Variants in CADM2 observed in about 807,000 individuals in gnomAD.
The protein encoded by CADM2 is cell adhesion molecule 2.
CADM2 carries 12 observed loss-of-function variants against 49.8 expected under a neutral mutation model. That is an observed-to-expected ratio of 0.24 (90% CI 0.15 to 0.39). The LOEUF is 0.39. Among genes scored for constraint, CADM2 ranks in the 10% least tolerant of loss-of-function variants. CADM2 has a pLI of 1.00. For synonymous variants in CADM2, 214 were observed against 175.4 expected (o/e 1.22, Z -1.74); for missense variants, 378 against 492.3 (o/e 0.77, Z 2.20).
intron 1 of CADM2, among the ~76,000 whole-genome samples, chr3:85,229,792 A>G (rs1483925807): frequency 6.6e-6 from 1 of 152,074 alleles, no homozygotes; most frequent in African/African-American, 2.4e-5. Context: ...AGTGTGAACA[A>G]CCTTTCTTCC....
intron 1 of CADM2, among the ~76,000 whole-genome samples, chr3:85,516,847 A>G (rs1375183380): frequency 6.6e-6 from 1 of 152,114 alleles, no homozygotes; most frequent in Non-Finnish European, 1.5e-5. Flanking sequence ...TGGCAACTGA[A>G]TAAATGCAAA....
intron 2 of CADM2, among the ~76,000 whole-genome samples, chr3:85,767,844 G>A (rs1185186241): frequency 6.6e-6 from 1 of 152,090 alleles, no homozygotes; most frequent in East Asian, 1.9e-4. Flanking sequence ...AAAAGATGCT[G>A]GTAGAGCTAC....
At chr3:85,272,682 C>T (rs917670950) in intron 1 of CADM2, among the ~76,000 whole-genome samples, 5 of 151,238 alleles carry the variant, frequency 3.3e-5, no homozygotes, top group African/African-American at 4.8e-5. Context: ...TTACTTTCTA[C>T]GTTTATGTTT....
intron 1 of CADM2, among the ~76,000 whole-genome samples, chr3:85,613,970 T>C (rs1264558268): frequency 6.6e-6 from 1 of 151,712 alleles, no homozygotes; most frequent in Non-Finnish European, 1.5e-5. Flanking sequence ...TGTTCATTTA[T>C]TTAATGTATT....
intron 1 of CADM2, among the ~76,000 whole-genome samples, chr3:85,488,216 G>C (rs1056799076): frequency 1.3e-5 from 2 of 152,148 alleles, no homozygotes; most frequent in African/African-American, 4.8e-5. Flanking sequence ...AAATTCATTT[G>C]ACTGTCAGGT....
At chr3:85,333,595 T>C (rs911896586) in intron 1 of CADM2, among the ~76,000 whole-genome samples, 1 of 151,784 alleles carries the variant, frequency 6.6e-6, no homozygotes, top group African/African-American at 2.4e-5. Context: ...AGGTTAATCA[T>C]TTTAAATAAT....
chr3:85,458,384 G>A (rs922447583), intron 1 of CADM2, among the ~76,000 whole-genome samples: 2 of 152,154 alleles, frequency 1.3e-5, no homozygotes, highest in Admixed American at 6.5e-5. Flanking sequence ...AAGTTCTGGT[G>A]TAAAAACAAC....
At chr3:85,189,321 A>G (rs1233281834) in intron 1 of CADM2, among the ~76,000 whole-genome samples, 2 of 151,938 alleles carry the variant, frequency 1.3e-5, no homozygotes, top group East Asian at 3.9e-4. Flanking sequence ...TGAAGTTGCA[A>G]GTTTTTTTTT....
At chr3:85,538,060 T>G (rs1005278946) in intron 1 of CADM2, among the ~76,000 whole-genome samples, 2 of 152,154 alleles carry the variant, frequency 1.3e-5, no homozygotes, top group Non-Finnish European at 2.9e-5. Context: ...TATATTGTTC[T>G]TCCCCTTATC....
chr3:85,973,710 G>A (rs76958889), intron 8 of CADM2, among the ~76,000 whole-genome samples: 7,272 of 151,752 alleles, frequency 0.048, 264 homozygotes, highest in East Asian at 0.13. Flanking sequence ...TTTTTAATTT[G>A]TGTTTTCTAC....
At chr3:85,896,907 T>G (rs1323827941) in intron 5 of CADM2, among the ~76,000 whole-genome samples, 2 of 152,188 alleles carry the variant, frequency 1.3e-5, no homozygotes, top group African/African-American at 4.8e-5. Flanking sequence ...GTTTACAAAA[T>G]GCAGATTCCT....
At chr3:85,672,646 T>G (rs959864034) in intron 1 of CADM2, among the ~76,000 whole-genome samples, 3 of 152,138 alleles carry the variant, frequency 2.0e-5, no homozygotes, top group African/African-American at 7.2e-5. Context: ...TTTTTATGAA[T>G]CAAAAATATT....
intron 1 of CADM2, among the ~76,000 whole-genome samples, chr3:85,658,574 GTGTA>G (rs1224907502): frequency 3.2e-4 from 18 of 55,466 alleles, no homozygotes; most frequent in Middle Eastern, 0.015. Context: ...TTGGATATAT[GTGTA>G]TATATATATA....
At chr3:85,444,088 T>G (rs2037331582) in intron 1 of CADM2, among the ~76,000 whole-genome samples, 1 of 152,144 alleles carries the variant, frequency 6.6e-6, no homozygotes, top group Non-Finnish European at 1.5e-5. Flanking sequence ...TTCAACCTAT[T>G]AAGAAATCTT....
intron 1 of CADM2, among the ~76,000 whole-genome samples, chr3:85,338,265 T>C (rs2045144967): frequency 6.6e-6 from 1 of 151,626 alleles, no homozygotes; most frequent in Non-Finnish European, 1.5e-5. Context: ...TAGTGCTCAA[T>C]ACACACAAAA....
rs77999300 is a variant in CADM2 at position 85,334,081 on chromosome 3, A to G, written c.61+374413A>G. 4.6e-5 allele frequency among the ~76,000 whole-genome samples: 7 copies of G among 151,710 alleles called. No homozygotes were observed. The East Asian group carries it at 1.2e-3, about 25-fold the overall frequency. The stretch of plus-strand genomic sequence containing the variant: ...TACTGAATTAATGTCAAATATTTGC[A>G]TCTGAAGCAAATAAAAATAATTTGA... On this transcript the variant is annotated intron_variant, in intron 1 of 9. Coordinates refer to ENST00000383699, the MANE Select transcript of CADM2 (RefSeq NM_001167675.2).
intron 1 of CADM2, among the ~76,000 whole-genome samples, chr3:85,472,386 A>G (rs1267435942): frequency 6.6e-6 from 1 of 152,006 alleles, no homozygotes; most frequent in African/African-American, 2.4e-5. Context: ...ATTCATACAC[A>G]CACGCACCCA....
At chr3:85,604,208 A>G (rs909850761) in intron 1 of CADM2, among the ~76,000 whole-genome samples, 1 of 151,876 alleles carries the variant, frequency 6.6e-6, no homozygotes, top group Non-Finnish European at 1.5e-5. Flanking sequence ...TTTAATCTTA[A>G]TGCTTACACA....
At chr3:85,781,781 C>A (rs947768179) in intron 2 of CADM2, among the ~76,000 whole-genome samples, 7 of 152,104 alleles carry the variant, frequency 4.6e-5, no homozygotes, top group Admixed American at 2.6e-4. Context: ...ACCAGACTTT[C>A]TATTTTCTTT....
Sources: gnomAD v4.1 joint callset for allele counts (sites outside exome capture counted in the v4.1 genomes callset) on GRCh38, gnomAD v4.1.1 for gene constraint, MANE v1.5 for transcripts, NCBI Gene and HGNC (gene_info 2026-07-23, HGNC 2026-07-21) for gene names.